GLB1: variants seen among roughly 807,000 people sequenced by gnomAD.
GLB1 encodes beta-galactosidase.
In GLB1, 56 loss-of-function variants were observed where a neutral mutation model predicts 74.0. That is an observed-to-expected ratio of 0.76 (90% CI 0.61 to 0.94). The LOEUF (loss-of-function observed/expected upper bound fraction) is 0.94, where lower values mean the gene tolerates loss of function less well. GLB1 is among the 40% of genes least tolerant of loss of function. The probability of loss-of-function intolerance (pLI) is 0.00; values close to 1 mark genes in which losing one functional copy is unlikely to be tolerated. For synonymous variants in GLB1, 323 were observed against 323.6 expected, an observed-to-expected ratio of 1.00 and a Z score of 0.02; for missense variants, 787 against 845.5, an observed-to-expected ratio of 0.93 and a Z score of 0.86.
chr3:33,047,837 G>C (rs924900829), intron 9 of GLB1, among the ~76,000 whole-genome samples: 5 of 152,046 alleles, frequency 3.3e-5, no homozygotes, highest in Admixed American at 2.6e-4. Flanking sequence ...CAACTGAACT[G>C]ATCTAGTCAT....
intron 5 of GLB1, among the ~76,000 whole-genome samples, chr3:33,062,220 G>T (rs1173641930): frequency 6.6e-6 from 1 of 152,158 alleles, no homozygotes; most frequent in African/African-American, 2.4e-5. Context: ...CTGGAGTGCA[G>T]TGAGTGGTGT....
chr3:33,087,808 A>G (rs1282193340), intron 1 of GLB1, among the ~76,000 whole-genome samples: 3 of 152,212 alleles, frequency 2.0e-5, no homozygotes, highest in Non-Finnish European at 4.4e-5. Flanking sequence ...ACACTACAAG[A>G]AAACTACAGA....
intron 11 of GLB1, among the ~76,000 whole-genome samples, chr3:33,022,563 G>GGTTTTTTTTTTTTTTTTT (rs1380045437): frequency 3.9e-4 from 6 of 15,312 alleles, no homozygotes; most frequent in Non-Finnish European, 1.5e-3. Flanking sequence ...TACTGGTTAG[G>GGTTTTTTTTTTTTTTTTT]ATTTTTTTTT....
chr3:33,043,146 A>T (rs1284504741), intron 10 of GLB1, among the ~76,000 whole-genome samples: 2 of 152,204 alleles, frequency 1.3e-5, no homozygotes, highest in Non-Finnish European at 2.9e-5. Context: ...GAGAAAGTAA[A>T]GATATTGATT....
the GLB1 span, among the ~76,000 whole-genome samples, chr3:32,967,005 T>C: frequency 6.6e-6 from 1 of 152,204 alleles, no homozygotes; most frequent in South Asian, 2.1e-4. Flanking sequence ...ATTAGCAGCA[T>C]GAGAATGAAC....
intron 15 of GLB1, among the ~76,000 whole-genome samples, chr3:33,007,089 AG>A (rs1273412778): frequency 2.6e-5 from 4 of 152,184 alleles, no homozygotes; most frequent in Non-Finnish European, 5.9e-5. Flanking sequence ...CCCCAGCAGC[AG>A]GGACCACTGT....
chr3:33,016,352 T>C lies in GLB1; in HGVS notation c.1479+357A>G, dbSNP rs536195622. On this transcript the variant is annotated intron_variant, in intron 14 of 15. Coordinates refer to ENST00000307363, the MANE Select transcript of GLB1 (RefSeq NM_000404.4). ...TACAGAGGAAAACAGCTCTTCAAAATAGCTCAACTACTTCTTTTTTTTGAG... is the reference window on the plus strand; with the variant it reads ...TACAGAGGAAAACAGCTCTTCAAAACAGCTCAACTACTTCTTTTTTTTGAG... Among the ~76,000 whole-genome samples, 5 of 152,312 alleles carry C rather than the reference T, an allele frequency of 3.3e-5. 1 individual carries two copies. In the South Asian group the frequency reaches 8.3e-4, roughly 25 times the overall value.
At chr3:33,040,781 A>G (rs1481541570) in intron 10 of GLB1, among the ~76,000 whole-genome samples, 1 of 152,268 alleles carries the variant, frequency 6.6e-6, no homozygotes, top group Non-Finnish European at 1.5e-5. Context: ...ATAGAGATAT[A>G]TAACAGAAGT....
At chr3:33,074,405 A>AAAGAAAGAAAGAAAGAAAGAAAGG (rs1700031069) in intron 1 of GLB1, among the ~76,000 whole-genome samples, 1 of 143,088 alleles carries the variant, frequency 7.0e-6, no homozygotes, top group Non-Finnish European at 1.6e-5. Context: ...AGAAAGAAAG[A>AAAGAAAGAAAGAAAGAAAGAAAGG]AAGAATATTA....
At chr3:33,008,415 T>C (rs1696872785) in intron 15 of GLB1, among the ~76,000 whole-genome samples, 1 of 152,040 alleles carries the variant, frequency 6.6e-6, no homozygotes, top group Admixed American at 6.6e-5. Context: ...GACTTCCTCC[T>C]AGATACCACT....
At position 33,074,385 on chromosome 3, in the gene GLB1, GAAGGAAGAAAGA is replaced by G. The variant is rs1416429395; in HGVS notation, c.76-1684_76-1673del. On this transcript the variant is annotated intron_variant, in intron 1 of 15. Transcript: ENST00000307363. Reference sequence around the variant, plus strand: ...GGAAGGAAGGAAGGAAGGAAGGAAGGAAGGAAGAAAGAAAGAAAGAAAGAATATTACACATAG... The same window carrying G: ...GGAAGGAAGGAAGGAAGGAAGGAAGGAAGAAAGAAAGAATATTACACATAG... Among the ~76,000 whole-genome samples the G allele has an allele frequency of 2.5e-3, 50 of 19,856 alleles. 1 individual carries two copies. Among genetic ancestry groups the G allele is most frequent in the South Asian group, 6.6e-3 (2 of 304 alleles). The allele number at this position is 19,856 out of a possible 152,430, so 13.0% of individuals were successfully genotyped here. A position where few individuals can be genotyped will look rare whatever the true frequency, so the allele number is the denominator to read the frequency against.
Position 32,996,885 on chromosome 3 carries a change from G to T in GLB1, c.*160C>A. On this transcript the variant is annotated 3_prime_UTR_variant, in exon 16 of 16. Transcript: ENST00000307363. Reference sequence around the variant, plus strand: ...ACATTCCAGGTGGTCCCTGAAGGTGGGGCTTTGGCACTGCAGGGATGCAGG... The same window carrying T: ...ACATTCCAGGTGGTCCCTGAAGGTGTGGCTTTGGCACTGCAGGGATGCAGG... The T allele has an allele frequency of 7.4e-7, 1 of 1,343,346 alleles. No individual in the cohort carries two copies. Among genetic ancestry groups the T allele is most frequent in the Non-Finnish European group, 1.0e-6 (1 of 975,986 alleles). 83.2% of individuals were successfully genotyped at this position (1,343,346 alleles called of 1,614,324 possible).
At chr3:33,078,768 G>A (rs747038591) in intron 1 of GLB1, among the ~76,000 whole-genome samples, 3 of 152,092 alleles carry the variant, frequency 2.0e-5, no homozygotes, top group Admixed American at 1.3e-4. Context: ...GAAATGATAC[G>A]ATATTCATTA....
At chr3:32,991,602 C>A in the GLB1 span, among the ~76,000 whole-genome samples, 10 of 152,196 alleles carry the variant, frequency 6.6e-5, no homozygotes, top group Admixed American at 3.3e-4. Context: ...ATGCAGCTTC[C>A]ACCTGCTTCT....
intron 10 of GLB1, among the ~76,000 whole-genome samples, chr3:33,027,874 A>G (rs1409535386): frequency 1.3e-5 from 2 of 152,140 alleles, no homozygotes; most frequent in Non-Finnish European, 2.9e-5. Flanking sequence ...CTTTTCTCTT[A>G]GTTCTTTCAG....
chr3:33,083,260 T>C (rs1177406992), intron 1 of GLB1, among the ~76,000 whole-genome samples: 1 of 151,914 alleles, frequency 6.6e-6, no homozygotes, highest in Non-Finnish European at 1.5e-5. Flanking sequence ...TAGCTGGGTG[T>C]GGTGGCACAT....
intron 2 of GLB1, among the ~76,000 whole-genome samples, chr3:33,069,178 C>T (rs1054757662): frequency 6.6e-6 from 1 of 151,810 alleles, no homozygotes; most frequent in Non-Finnish European, 1.5e-5. Context: ...TGGCTTGAGC[C>T]CAGGAGTTTG....
At position 33,085,274 on chromosome 3, in the gene GLB1, C is replaced by CAAAA. The variant is rs772490092; in HGVS notation, c.75+11733_75+11736dup. 5.2e-3 allele frequency among the ~76,000 whole-genome samples: 386 copies of CAAAA among 74,088 alleles called. 17 individuals carry two copies. Among genetic ancestry groups the CAAAA allele is most frequent in the African/African-American group, 0.019 (365 of 19,618 alleles). The allele number at this position is 74,088 out of a possible 152,430, so 48.6% of individuals were successfully genotyped here. A position where few individuals can be genotyped will look rare whatever the true frequency, so the allele number is the denominator to read the frequency against. ...AGAGTGACAGAGCAAGAGTCTGTTT[C>CAAAA]AAAAAAAAAAAAAAAAAAAGCGAGA... is the stretch of plus-strand genomic sequence containing the variant. On this transcript the variant is annotated intron_variant, in intron 1 of 15. Coordinates refer to ENST00000307363, the MANE Select transcript of GLB1 (RefSeq NM_000404.4).
At chr3:33,043,790 T>TACCAAGCAAAAGATACCTCAGAAAAAA (rs1559397159) in intron 10 of GLB1, among the ~76,000 whole-genome samples, 1 of 121,426 alleles carries the variant, frequency 8.2e-6, no homozygotes, top group African/African-American at 3.3e-5. Context: ...CTCAGAAAAA[T>TACCAAGCAAAAGATACCTCAGAAAAAA]ACCAAGCAAA....
Sources: allele counts gnomAD v4.1 joint callset (sites outside exome capture counted in the v4.1 genomes callset), GRCh38; gene constraint gnomAD v4.1.1; transcripts MANE v1.5; gene names NCBI Gene and HGNC (gene_info 2026-07-23, HGNC 2026-07-21).